The following PKN2 variants were observed in gnomAD, a reference collection of about 807,000 sequenced individuals.
PKN2 encodes protein kinase N2, also known as serine/threonine-protein kinase N2.
A neutral mutation model predicts 119.1 loss-of-function variants in PKN2; 38 were observed. That is an observed-to-expected ratio of 0.32 (90% confidence interval 0.25 to 0.42). The LOEUF is 0.42. Ranked by LOEUF, PKN2 falls within the 10% of genes least tolerant of loss-of-function variation. The pLI is 1.00. For missense variants in PKN2, 850 were observed against 1,165.1 expected, an observed-to-expected ratio of 0.73 and a Z score of 3.94; for synonymous variants, 390 against 384.9, an observed-to-expected ratio of 1.01 and a Z score of -0.15.
At chr1:88,793,379 G>A (rs781216377) in intron 8 of PKN2, among the ~76,000 whole-genome samples, 3 of 151,810 alleles carry the variant, frequency 2.0e-5, no homozygotes, top group Non-Finnish European at 4.4e-5. Context: ...TCAAACTGTT[G>A]CACATTTCCA....
At chr1:88,750,205 AAAT>A (rs2100761821) in intron 2 of PKN2, among the ~76,000 whole-genome samples, 1 of 152,312 alleles carries the variant, frequency 6.6e-6, no homozygotes, top group Non-Finnish European at 1.5e-5. Context: ...TTTGGATGTA[AAAT>A]AAAGTCTGAG....
rs568989756 is a variant in PKN2 at position 88,701,411 on chromosome 1, A to G, written c.48+16783A>G. Among the ~76,000 whole-genome samples, 3 of 152,374 alleles carry G rather than the reference A, an allele frequency of 2.0e-5. No individual in the cohort carries two copies. In the South Asian group the frequency reaches 6.2e-4, roughly 32 times the overall value. On this transcript the variant is annotated intron_variant, in intron 1 of 21. Coordinates refer to ENST00000370521, the MANE Select transcript of PKN2 (RefSeq NM_006256.4). Reference sequence around the variant, plus strand: ...TCTACTAGAGTTAGCCTTATCTTTTAAGGAAGTTAAAATAATTGTATACAG... The same window carrying G: ...TCTACTAGAGTTAGCCTTATCTTTTGAGGAAGTTAAAATAATTGTATACAG...
At chr1:88,720,309 C>T (rs535820034) in intron 1 of PKN2, among the ~76,000 whole-genome samples, 3 of 152,212 alleles carry the variant, frequency 2.0e-5, no homozygotes, top group Admixed American at 6.5e-5. Context: ...TGTGAGCCAC[C>T]GCGCCTGACC....
intron 1 of PKN2, among the ~76,000 whole-genome samples, chr1:88,699,418 A>G (rs552615301): frequency 9.5e-4 from 145 of 152,228 alleles, no homozygotes; most frequent in African/African-American, 3.3e-3. Context: ...CTTTTTTAAA[A>G]ATTTCCAACT....
intron 8 of PKN2, among the ~76,000 whole-genome samples, chr1:88,794,680 T>G (rs1670986652): frequency 6.6e-6 from 1 of 152,166 alleles, no homozygotes; most frequent in Admixed American, 6.5e-5. Context: ...CTTGTTATTG[T>G]TTTTCTTCTA....
chr1:88,710,439 A>G (rs1398994418), intron 1 of PKN2, among the ~76,000 whole-genome samples: 1 of 152,238 alleles, frequency 6.6e-6, no homozygotes, highest in African/African-American at 2.4e-5. Flanking sequence ...AAGCTATCAT[A>G]ATAATTATTT....
intron 8 of PKN2, among the ~76,000 whole-genome samples, chr1:88,803,675 C>G (rs138140737): frequency 3.6e-3 from 543 of 152,274 alleles, no homozygotes; most frequent in Middle Eastern, 6.8e-3. Flanking sequence ...TGTGTATTCT[C>G]TCATACGGCT....
intron 8 of PKN2, among the ~76,000 whole-genome samples, chr1:88,796,522 C>G (rs1671073399): frequency 1.3e-5 from 2 of 152,156 alleles, no homozygotes; most frequent in Admixed American, 1.3e-4. Flanking sequence ...GAAACTGTTT[C>G]CTATCCCTAT....
At chr1:88,720,608 A>G (rs779052383) in intron 1 of PKN2, among the ~76,000 whole-genome samples, 1 of 152,180 alleles carries the variant, frequency 6.6e-6, no homozygotes, top group Non-Finnish European at 1.5e-5. Context: ...AGCCCTTTTC[A>G]AAAAATGTTT....
intron 2 of PKN2, among the ~76,000 whole-genome samples, chr1:88,747,871 T>C (rs1570571631): frequency 6.6e-6 from 1 of 152,140 alleles, no homozygotes; most frequent in East Asian, 1.9e-4. Context: ...ATTCCTAAAA[T>C]ATATCTGTAT....
chr1:88,797,653 G>A (rs786909), intron 8 of PKN2, among the ~76,000 whole-genome samples: 100,418 of 145,558 alleles, frequency 0.69, 34,707 homozygotes, highest in African/African-American at 0.84. Flanking sequence ...AAAAAAAAAA[G>A]AGAGAGAATG....
chr1:88,807,816 G>A (rs763991100), intron 15 of PKN2, 41 bp downstream of exon 15: 1 of 1,211,734 alleles, frequency 8.3e-7, no homozygotes, highest in Admixed American at 2.1e-5. Context: ...TTCTGAATTT[G>A]TAAGTTAAGA....
At chr1:88,749,846 G>T (rs1156500825) in intron 2 of PKN2, among the ~76,000 whole-genome samples, 1 of 152,154 alleles carries the variant, frequency 6.6e-6, no homozygotes, top group Non-Finnish European at 1.5e-5. Context: ...GTTTATTTCA[G>T]CTATTAGTAT....
chr1:88,702,423 T>C lies in PKN2; in HGVS notation c.48+17795T>C, dbSNP rs556133975. 8.5e-5 allele frequency among the ~76,000 whole-genome samples: 13 copies of C among 152,342 alleles called. No individual in the cohort carries two copies. In the East Asian group the frequency reaches 2.3e-3, roughly 27 times the overall value. On this transcript the variant is annotated intron_variant, in intron 1 of 21. Coordinates refer to ENST00000370521, the MANE Select transcript of PKN2 (RefSeq NM_006256.4). ...ATTCAGAAGACTGCTCCAAATTATG[T>C]CCTTTTTATTTTTTCATACTTTGAC...
chr1:88,728,894 C>CTTTTTT (rs397844615), intron 1 of PKN2, among the ~76,000 whole-genome samples: 1 of 130,270 alleles, frequency 7.7e-6, no homozygotes. Context: ...ACATCCCCAT[C>CTTTTTT]TTTTTTTTTT....
intron 6 of PKN2, among the ~76,000 whole-genome samples, chr1:88,782,550 C>A (rs1253345345): frequency 1.3e-5 from 2 of 151,942 alleles, no homozygotes; most frequent in Non-Finnish European, 2.9e-5. Context: ...TTGATAATTT[C>A]TTTGCTGTGT....
chr1:88,724,882 GT>G (rs60507382), intron 1 of PKN2, among the ~76,000 whole-genome samples: 1,412 of 105,990 alleles, frequency 0.013, 5 homozygotes, highest in African/African-American at 0.021. Flanking sequence ...CCACCCCTTG[GT>G]TTTTTTTTTT....
intron 2 of PKN2, among the ~76,000 whole-genome samples, chr1:88,747,752 A>G (rs1156902699): frequency 6.6e-6 from 1 of 152,056 alleles, no homozygotes; most frequent in Non-Finnish European, 1.5e-5. Context: ...AATTTGGTGA[A>G]TATTTTCTTC....
At chr1:88,736,337 A>G (rs1346760396) in intron 1 of PKN2, among the ~76,000 whole-genome samples, 1 of 151,970 alleles carries the variant, frequency 6.6e-6, no homozygotes, top group East Asian at 1.9e-4. Context: ...TGTTGCATGA[A>G]ATTATGGTTC....
Sources: gnomAD v4.1 joint callset for allele counts (sites outside exome capture counted in the v4.1 genomes callset) on GRCh38, gnomAD v4.1.1 for gene constraint, MANE v1.5 for transcripts, NCBI Gene and HGNC (gene_info 2026-07-23, HGNC 2026-07-21) for gene names.